The following SMURF2 variants were observed in gnomAD, a reference collection of about 807,000 sequenced individuals.
The protein encoded by SMURF2 is SMAD specific E3 ubiquitin protein ligase 2, also known as E3 ubiquitin-protein ligase SMURF2.
A neutral mutation model predicts 109.6 loss-of-function variants in SMURF2; 48 were observed. The ratio of observed to expected loss-of-function variants is 0.44; its 90% CI spans 0.35 to 0.56. The LOEUF (loss-of-function observed/expected upper bound fraction) is 0.56, where lower values mean the gene tolerates loss of function less well. SMURF2 is among the 20% of genes least tolerant of loss of function. SMURF2 has a pLI of 0.01. For synonymous variants in SMURF2, 288 were observed against 317.1 expected (o/e 0.91, Z 0.97); for missense variants, 575 against 909.0 (o/e 0.63, Z 4.72).
At chr17:64,569,878 A>G (rs1410195115) in intron 10 of SMURF2, among the ~76,000 whole-genome samples, 2 of 152,250 alleles carry the variant, frequency 1.3e-5, no homozygotes, top group African/African-American at 4.8e-5. Flanking sequence ...TAGACTGCAG[A>G]TGACACTTAT....
At chr17:64,610,641 G>C (rs1173284377) in intron 1 of SMURF2, among the ~76,000 whole-genome samples, 2 of 152,152 alleles carry the variant, frequency 1.3e-5, no homozygotes, top group Non-Finnish European at 2.9e-5. Flanking sequence ...AGCATTAGGA[G>C]AAATACCTAA....
chr17:64,573,258 AGGAGGAGGAGGAGGAGGG>A (rs1969440262), intron 9 of SMURF2, among the ~76,000 whole-genome samples: 4 of 36,836 alleles, frequency 1.1e-4, no homozygotes, highest in South Asian at 1.5e-3. Context: ...GGAGGGGAGG[AGGAGGAGGAGGAGGAGGG>A]GGAGGAGGAG....
At chr17:64,653,472 ATTTT>A (rs56105490) in intron 1 of SMURF2, among the ~76,000 whole-genome samples, 1 of 147,812 alleles carries the variant, frequency 6.8e-6, no homozygotes, top group Admixed American at 6.8e-5. Flanking sequence ...AAAAAAAAAA[ATTTT>A]TTTTTTTGAG....
At chr17:64,597,570 C>T (rs1302285836) in intron 3 of SMURF2, among the ~76,000 whole-genome samples, 7 of 151,838 alleles carry the variant, frequency 4.6e-5, no homozygotes, top group Admixed American at 2.0e-4. Flanking sequence ...GTCAGGAGTT[C>T]GAGACCAGCC....
chr17:64,552,646 G>A (rs1188047323), intron 15 of SMURF2, among the ~76,000 whole-genome samples: 3 of 152,100 alleles, frequency 2.0e-5, no homozygotes, highest in African/African-American at 7.2e-5. Flanking sequence ...TAGGACACAC[G>A]AGGTCTTGAA....
chr17:64,567,953 A>C (rs1436429558), intron 10 of SMURF2, among the ~76,000 whole-genome samples: 1 of 150,212 alleles, frequency 6.7e-6, no homozygotes, highest in Non-Finnish European at 1.5e-5. Flanking sequence ...TCCCTGGTTC[A>C]AGCAATTCTC....
chr17:64,583,742 T>C (rs1355683463), intron 6 of SMURF2, among the ~76,000 whole-genome samples, 198 bp from the exon 7 acceptor site: 4 of 152,236 alleles, frequency 2.6e-5, no homozygotes, highest in Non-Finnish European at 5.9e-5. Flanking sequence ...AAAGTATTTA[T>C]GCTGAGGTGT....
At chr17:64,606,552 T>C in intron 2 of SMURF2, 50 bp downstream of exon 2, 1 of 1,298,754 alleles carries the variant, frequency 7.7e-7, no homozygotes, top group Non-Finnish European at 1.1e-6. Context: ...GAAAACGCTG[T>C]TCCCAAAGAT....
intron 10 of SMURF2, among the ~76,000 whole-genome samples, chr17:64,566,561 G>GTTTTGTTTTTT (rs1969306410): frequency 4.6e-5 from 2 of 43,784 alleles, no homozygotes; most frequent in Non-Finnish European, 8.5e-5. Context: ...AAGCTTTCTG[G>GTTTTGTTTTTT]TTTTTTTTTT....
At chr17:64,594,107 G>A (rs1277210908) in intron 3 of SMURF2, 1 of 152,676 alleles carries the variant, frequency 6.5e-6, no homozygotes, top group Non-Finnish European at 1.5e-5. Context: ...TTCACTGCCT[G>A]CAGACAAGCA....
chr17:64,590,194 T>A (rs1422922571), intron 5 of SMURF2, among the ~76,000 whole-genome samples: 3 of 149,076 alleles, frequency 2.0e-5, no homozygotes, highest in African/African-American at 5.0e-5. Flanking sequence ...CCAGCTGGAG[T>A]GCAATGGTGT....
Position 64,626,678 on chromosome 17 carries a change from G to A in SMURF2, c.53-20038C>T, listed in dbSNP as rs532624062. On this transcript the variant is annotated intron_variant, in intron 1 of 18. Transcript: ENST00000262435. ...CTCAGGAGGCTGAGGCAAGGGAATC[G>A]CTTGAACCTAAGAGGCAGAGGTTGC... is the stretch of plus-strand genomic sequence containing the variant. Among the ~76,000 whole-genome samples, 42 of 151,994 alleles carry A rather than the reference G, an allele frequency of 2.8e-4. 1 individual carries two copies. The highest frequency in any genetic ancestry group is 1.0e-3 in the South Asian group (5 of 4,798).
chr17:64,624,066 G>A (rs746028996), intron 1 of SMURF2, among the ~76,000 whole-genome samples: 10 of 152,152 alleles, frequency 6.6e-5, no homozygotes, highest in Admixed American at 1.3e-4. Context: ...ATTTGTGATG[G>A]CTTGTTTTTC....
At chr17:64,587,513 C>G (rs1228123948) in intron 5 of SMURF2, among the ~76,000 whole-genome samples, 1 of 152,142 alleles carries the variant, frequency 6.6e-6, no homozygotes, top group Non-Finnish European at 1.5e-5. Flanking sequence ...GTTCTGGTAA[C>G]TCTCCCAAAA....
At chr17:64,552,860 C>T (rs192352087) in intron 15 of SMURF2, among the ~76,000 whole-genome samples, 7 of 152,154 alleles carry the variant, frequency 4.6e-5, no homozygotes, top group East Asian at 3.9e-4. Context: ...CCTGCCAACA[C>T]GCTTAGCTAA....
intron 6 of SMURF2, among the ~76,000 whole-genome samples, chr17:64,584,347 CT>C (rs1969618784): frequency 7.2e-6 from 1 of 138,084 alleles, no homozygotes. Context: ...GAAACAGCTA[CT>C]TTCTTTTTTT....
At chr17:64,613,745 G>GTGTGT (rs1568195629) in intron 1 of SMURF2, among the ~76,000 whole-genome samples, 7 of 87,544 alleles carry the variant, frequency 8.0e-5, no homozygotes, top group South Asian at 3.7e-4. Context: ...TGTGTGTGTG[G>GTGTGT]AGGGGGGGCA....
Position 64,547,952 on chromosome 17 carries a change from T to TGA in SMURF2, c.1870-152_1870-151insTC. 1 of 670,288 alleles carries TGA rather than the reference T, an allele frequency of 1.5e-6. No individual in the cohort carries two copies. The highest frequency in any genetic ancestry group is 2.5e-6 in the Non-Finnish European group (1 of 393,228). 41.5% of individuals were successfully genotyped at this position (670,288 alleles called of 1,614,324 possible). ...AGAATCATCTGAAAAGCTTTTCAAA[T>TGA]TGACATTCCAGGTCCTAGGCTCAGA... On this transcript the variant is annotated intron_variant, in intron 16 of 18. Coordinates refer to ENST00000262435, the MANE Select transcript of SMURF2 (RefSeq NM_022739.4). The surrounding 1 kb of genome is among the most constrained non-coding windows in gnomAD (Gnocchi z 4.2).
rs184997507 is a variant in SMURF2, at chr17:64,567,443, C to G, written c.1016+4355G>C. Among the ~76,000 whole-genome samples the G allele has an allele frequency of 5.4e-4, 82 of 152,300 alleles. 2 individuals carry two copies. The East Asian group carries it at 0.015, about 28-fold the overall frequency. Reference sequence around the variant, plus strand: ...TCTAATCATCCCACCTGTAGTTATTCCTTCAGAACATTATTTTTCATTCAG... The same window carrying G: ...TCTAATCATCCCACCTGTAGTTATTGCTTCAGAACATTATTTTTCATTCAG... On this transcript the variant is annotated intron_variant, in intron 10 of 18. Transcript: ENST00000262435.
Sources: allele counts gnomAD v4.1 joint callset (sites outside exome capture counted in the v4.1 genomes callset), GRCh38; gene constraint gnomAD v4.1.1; non-coding constraint Gnocchi (gnomAD v3.1); transcripts MANE v1.5; gene names NCBI Gene and HGNC (gene_info 2026-07-23, HGNC 2026-07-21).